OPCML: variants seen among roughly 807,000 people sequenced by gnomAD.
OPCML encodes the protein opioid-binding protein/cell adhesion molecule.
In OPCML, 13 loss-of-function variants were observed where a neutral mutation model predicts 37.8. That is an observed-to-expected ratio of 0.34 (90% CI 0.22 to 0.55). OPCML has a LOEUF of 0.55. Ranked by LOEUF, OPCML falls within the 20% of genes least tolerant of loss-of-function variation. The probability of loss-of-function intolerance (pLI) is 0.91; values close to 1 mark genes in which losing one functional copy is unlikely to be tolerated. For synonymous variants in OPCML, 176 were observed against 168.8 expected (o/e 1.04, Z -0.33); for missense variants, 341 against 435.6 (o/e 0.78, Z 1.93).
At chr11:133,357,729 C>T (rs532246733) in intron 1 of OPCML, among the ~76,000 whole-genome samples, 16 of 152,298 alleles carry the variant, frequency 1.1e-4, no homozygotes, top group African/African-American at 3.6e-4. Flanking sequence ...GATAAAGATT[C>T]TGCTGTGAAG....
chr11:133,532,207 G>C, intron 1 of OPCML, 57 bp downstream of exon 1: 1 of 1,590,704 alleles, frequency 6.3e-7, no homozygotes, highest in Non-Finnish European at 8.6e-7. Context: ...TGCCTCTCCT[G>C]CTCTCACGTC....
At chr11:133,107,689 G>A (rs1328729839) in intron 1 of OPCML, among the ~76,000 whole-genome samples, 1 of 152,070 alleles carries the variant, frequency 6.6e-6, no homozygotes, top group Non-Finnish European at 1.5e-5. Context: ...CCATTTTGAC[G>A]TTGTCATTCC....
intron 1 of OPCML, among the ~76,000 whole-genome samples, chr11:133,480,455 T>C (rs1367052833): frequency 6.6e-6 from 1 of 152,200 alleles, no homozygotes; most frequent in East Asian, 1.9e-4. Flanking sequence ...TCCTTACCAG[T>C]GTCCAGGGCC....
chr11:132,623,499 G>A (rs1486815756), intron 3 of OPCML, among the ~76,000 whole-genome samples: 4 of 152,166 alleles, frequency 2.6e-5, no homozygotes, highest in African/African-American at 9.7e-5. Context: ...TTGCTCCCTG[G>A]AAAGTACTTC....
intron 2 of OPCML, among the ~76,000 whole-genome samples, chr11:132,850,887 C>G (rs1941779868): frequency 6.6e-6 from 1 of 152,098 alleles, no homozygotes; most frequent in African/African-American, 2.4e-5. Context: ...TTTTTTTCTG[C>G]CTTTACCATC....
chr11:132,662,518 C>T (rs989072273), intron 2 of OPCML, among the ~76,000 whole-genome samples: 1 of 151,710 alleles, frequency 6.6e-6, no homozygotes, highest in Non-Finnish European at 1.5e-5. Flanking sequence ...AGGAACAGGC[C>T]GACAAAGTTC....
intron 1 of OPCML, among the ~76,000 whole-genome samples, chr11:133,499,516 T>C (rs1472241640): frequency 1.3e-5 from 2 of 152,000 alleles, no homozygotes; most frequent in Non-Finnish European, 2.9e-5. Flanking sequence ...TCTTCTGACC[T>C]TTCCTTGGTC....
At chr11:133,160,087 C>CT (rs1950120821) in intron 1 of OPCML, among the ~76,000 whole-genome samples, 1 of 152,178 alleles carries the variant, frequency 6.6e-6, no homozygotes, top group Non-Finnish European at 1.5e-5. Context: ...GCTCTATTAC[C>CT]TTTTTCTTTA....
At chr11:132,975,181 TAATA>T (rs1946430742) in intron 1 of OPCML, among the ~76,000 whole-genome samples, 1 of 151,764 alleles carries the variant, frequency 6.6e-6, no homozygotes, top group African/African-American at 2.4e-5. Context: ...TGCAGTAGGA[TAATA>T]AATAAGAAAG....
chr11:133,340,164 A>C (rs1943832480), intron 1 of OPCML, among the ~76,000 whole-genome samples: 1 of 152,192 alleles, frequency 6.6e-6, no homozygotes, highest in Admixed American at 6.5e-5. Context: ...ATCACCTCTG[A>C]CCCTGCTGCC....
intron 1 of OPCML, among the ~76,000 whole-genome samples, chr11:133,274,514 G>T (rs1336762766): frequency 6.6e-6 from 1 of 152,212 alleles, no homozygotes; most frequent in Non-Finnish European, 1.5e-5. Context: ...CTCCCCTGTA[G>T]GTTTCTGAGG....
intron 1 of OPCML, among the ~76,000 whole-genome samples, chr11:133,210,700 G>T (rs893682819): frequency 8.5e-5 from 13 of 152,110 alleles, no homozygotes; most frequent in African/African-American, 3.1e-4. Context: ...TTCTTTTGGG[G>T]TAAATGTGAA....
At chr11:132,426,340 G>C (rs2095977506) in intron 7 of OPCML, among the ~76,000 whole-genome samples, 1 of 152,114 alleles carries the variant, frequency 6.6e-6, no homozygotes, top group African/African-American at 2.4e-5. Context: ...AAGACACATA[G>C]CAACAACAAC....
chr11:133,148,713 TC>T (rs983585841), intron 1 of OPCML, among the ~76,000 whole-genome samples: 6 of 152,126 alleles, frequency 3.9e-5, no homozygotes, highest in Non-Finnish European at 7.4e-5. Context: ...GGTTCTGGTG[TC>T]CCAGCTCTAC....
At chr11:132,430,774 T>C (rs776285568) in intron 7 of OPCML, among the ~76,000 whole-genome samples, 1 of 152,174 alleles carries the variant, frequency 6.6e-6, no homozygotes, top group Non-Finnish European at 1.5e-5. Context: ...TTGGCTTTGT[T>C]TGCGTTCTCT....
At chr11:133,000,960 G>T (rs1209838324) in intron 1 of OPCML, among the ~76,000 whole-genome samples, 3 of 152,206 alleles carry the variant, frequency 2.0e-5, no homozygotes, top group Non-Finnish European at 4.4e-5. Context: ...CTCCTTTCTT[G>T]CTCCCTCTCT....
chr11:132,538,945 G>C (rs938017499), intron 3 of OPCML, among the ~76,000 whole-genome samples: 3 of 152,136 alleles, frequency 2.0e-5, no homozygotes, highest in African/African-American at 7.2e-5. Context: ...CTGGTATTGA[G>C]ATAGAATACC....
intron 1 of OPCML, among the ~76,000 whole-genome samples, chr11:133,302,895 G>C (rs1446378565): frequency 6.6e-6 from 1 of 152,096 alleles, no homozygotes; most frequent in Non-Finnish European, 1.5e-5. Context: ...ATTTAATTAA[G>C]AAAGATCACA....
intron 2 of OPCML, among the ~76,000 whole-genome samples, chr11:132,667,087 G>A (rs547348280): frequency 4.6e-5 from 7 of 152,334 alleles, no homozygotes; most frequent in Non-Finnish European, 1.0e-4. Context: ...TGAAAAGTTT[G>A]CAGCCAACAC....
Sources: gnomAD v4.1 joint callset for allele counts (sites outside exome capture counted in the v4.1 genomes callset) on GRCh38, gnomAD v4.1.1 for gene constraint, MANE v1.5 for transcripts, NCBI Gene and HGNC (gene_info 2026-07-23, HGNC 2026-07-21) for gene names.